The following SLC13A3 variants were observed in gnomAD, a reference collection of about 807,000 sequenced individuals.
SLC13A3 encodes the protein Na(+)/dicarboxylate cotransporter 3.
In SLC13A3, 40 loss-of-function variants were observed where a neutral mutation model predicts 59.0. The ratio of observed to expected loss-of-function variants is 0.68; its 90% CI spans 0.53 to 0.88. The LOEUF is 0.88. Ranked by LOEUF, SLC13A3 falls within the 40% of genes least tolerant of loss-of-function variation. SLC13A3 has a pLI of 0.00. For missense variants in SLC13A3, 699 were observed against 783.2 expected (o/e 0.89, Z 1.28); for synonymous variants, 317 against 330.3 (o/e 0.96, Z 0.44).
chr20:46,612,427 C>T (rs1019308701), intron 2 of SLC13A3, among the ~76,000 whole-genome samples: 3 of 152,094 alleles, frequency 2.0e-5, no homozygotes, highest in Non-Finnish European at 4.4e-5. Context: ...GATTACACTG[C>T]GCCCGGCAAG....
chr20:46,586,694 AC>A (rs969422109), intron 8 of SLC13A3, among the ~76,000 whole-genome samples: 20 of 151,764 alleles, frequency 1.3e-4, no homozygotes, highest in Admixed American at 6.6e-4. Context: ...TTTCATTCAC[AC>A]CCCCCAATCC....
intron 4 of SLC13A3, among the ~76,000 whole-genome samples, chr20:46,599,505 A>C (rs1379167369): frequency 1.3e-5 from 2 of 152,258 alleles, no homozygotes; most frequent in African/African-American, 4.8e-5. Context: ...CTACACTGCC[A>C]TAATGCAAAG....
intron 1 of SLC13A3, among the ~76,000 whole-genome samples, chr20:46,660,314 T>C: frequency 6.6e-6 from 1 of 152,214 alleles, no homozygotes; most frequent in East Asian, 1.9e-4. Context: ...TCTGAAAGTA[T>C]CTTTATTTTT....
rs1311093995 is a variant in SLC13A3 at position 46,596,342 on chromosome 20, G to A, written c.609C>T (p.Ala203=). 1.2e-6 allele frequency: 2 copies of A among 1,613,512 alleles called. No individual in the cohort carries two copies. Among genetic ancestry groups the A allele is most frequent in the Admixed American group, 3.3e-5 (2 of 59,978 alleles). The part of the protein sequence containing the change: ...TEMQFLASTE[A]KDHPGETEVP... The stretch of plus-strand genomic sequence containing the variant: ...CCTCTGTCTCCCCAGGGTGGTCTTT[G>A]CTTTAAACAAATCCAAAGAGAAGCC... Residue 203 remains alanine (A), a splice_region_variant and synonymous_variant, in exon 5 of 13, where the codon GCC becomes GCT. Transcript: ENST00000279027.
intron 1 of SLC13A3, among the ~76,000 whole-genome samples, chr20:46,624,577 A>T (rs1708806488): frequency 6.6e-6 from 1 of 152,222 alleles, no homozygotes; most frequent in Admixed American, 6.5e-5. Context: ...TAGACAAGCT[A>T]TTCCCAAATA....
At chr20:46,638,238 G>C (rs957061361) in intron 1 of SLC13A3, among the ~76,000 whole-genome samples, 2 of 152,208 alleles carry the variant, frequency 1.3e-5, no homozygotes, top group Non-Finnish European at 2.9e-5. Context: ...AAGTTTTGCT[G>C]ACTGGTTCCA....
rs575099134 is a variant in SLC13A3, at chr20:46,562,719, A to G, written c.1632+695T>C. On this transcript the variant is annotated intron_variant, in intron 12 of 12. Coordinates refer to ENST00000279027, the MANE Select transcript of SLC13A3 (RefSeq NM_022829.6). ...CAGTAAATAGTGCTGTAATGAACGA[A>G]CAAATCAATGAGTCTCTGTCTCGTC... is the stretch of plus-strand genomic sequence containing the variant. Among the ~76,000 whole-genome samples, 28 of 152,220 alleles carry G rather than the reference A, an allele frequency of 1.8e-4. No individual in the cohort carries two copies. The South Asian group carries it at 3.3e-3, about 18-fold the overall frequency.
chr20:46,596,054 C>T, intron 5 of SLC13A3, 103 bp downstream of exon 5: 1 of 1,091,148 alleles, frequency 9.2e-7, no homozygotes, highest in Non-Finnish European at 1.3e-6. Flanking sequence ...CAGAGCCTGG[C>T]CCAGAGAAGG....
chr20:46,611,070 C>T (rs2062489485), intron 2 of SLC13A3, among the ~76,000 whole-genome samples: 1 of 152,022 alleles, frequency 6.6e-6, no homozygotes, highest in Admixed American at 6.6e-5. Context: ...TCCATTCCCA[C>T]CAACAGAATC....
At chr20:46,674,604 CGTGTGT>C (rs58582046), upstream of SLC13A3, among the ~76,000 whole-genome samples, 219 of 127,930 alleles carry the variant, frequency 1.7e-3, 1 homozygote, top group African/African-American at 5.3e-3. Flanking sequence ...CGCGCGCGCG[CGTGTGT>C]GTGTGTGTGT....
At chr20:46,651,530 G>T (rs757534742), upstream of SLC13A3, 47 of 1,326,836 alleles carry the variant, frequency 3.5e-5, no homozygotes, top group Non-Finnish European at 4.3e-5. Context: ...TGGGGAACCC[G>T]CCCTCTCCCT....
intron 3 of SLC13A3, among the ~76,000 whole-genome samples, chr20:46,600,860 A>G (rs1015882028): frequency 3.3e-5 from 5 of 152,226 alleles, no homozygotes; most frequent in African/African-American, 1.2e-4. Context: ...AGGAAATAGA[A>G]CTGGGTAATG....
In SLC13A3 at chr20:46,603,549, A is replaced by ATT. The variant is rs111841623; in HGVS notation, c.542-3514_542-3513dup. On this transcript the variant is annotated intron_variant, in intron 3 of 12. Coordinates refer to ENST00000279027, the MANE Select transcript of SLC13A3 (RefSeq NM_022829.6). ...GCCACCATGCCCAGCTAATTGTTGT[A>ATT]TTTTTTTTTTTTTTTTTGGTAAAAA... Among the ~76,000 whole-genome samples the ATT allele has an allele frequency of 5.2e-3, 658 of 126,366 alleles. 2 individuals are homozygous for ATT. The highest frequency in any genetic ancestry group is 0.018 in the African/African-American group (624 of 35,372). The allele number at this position is 126,366 out of a possible 152,430, so 82.9% of individuals were successfully genotyped here.
intron 1 of SLC13A3, among the ~76,000 whole-genome samples, chr20:46,647,458 C>G (rs1322461638): frequency 1.3e-5 from 2 of 152,134 alleles, no homozygotes; most frequent in African/African-American, 4.8e-5. Context: ...AGATCACTCC[C>G]CAAACCTCTA....
At chr20:46,649,208 A>T (rs959435362) in intron 1 of SLC13A3, among the ~76,000 whole-genome samples, 1 of 152,174 alleles carries the variant, frequency 6.6e-6, no homozygotes, top group Admixed American at 6.5e-5. Flanking sequence ...TAGCACCATC[A>T]TAAGGGATTA....
upstream of SLC13A3, among the ~76,000 whole-genome samples, chr20:46,671,857 C>A (rs2063094355): frequency 6.6e-6 from 1 of 152,206 alleles, no homozygotes; most frequent in Non-Finnish European, 1.5e-5. Flanking sequence ...AAAACTGAGG[C>A]AGTCCCCAAA....
intron 2 of SLC13A3, among the ~76,000 whole-genome samples, chr20:46,612,376 C>T (rs2062508121): frequency 6.6e-6 from 1 of 152,044 alleles, no homozygotes; most frequent in Admixed American, 6.5e-5. Context: ...TCAAGCAATC[C>T]ACCTGCCTCA....
intron 1 of SLC13A3, among the ~76,000 whole-genome samples, chr20:46,657,163 T>C (rs938656705): frequency 1.3e-5 from 2 of 152,124 alleles, no homozygotes; most frequent in Admixed American, 1.3e-4. Context: ...AAAACTTTTA[T>C]CATGATCCGG....
intron 1 of SLC13A3, among the ~76,000 whole-genome samples, chr20:46,626,844 G>T (rs569752051): frequency 6.6e-6 from 1 of 152,098 alleles, no homozygotes; most frequent in Non-Finnish European, 1.5e-5. Flanking sequence ...CTTTTCCCCC[G>T]TCCAGGTCTT....
Sources: gnomAD v4.1 joint callset for allele counts (sites outside exome capture counted in the v4.1 genomes callset) on GRCh38, gnomAD v4.1.1 for gene constraint, MANE v1.5 for transcripts, NCBI Gene and HGNC (gene_info 2026-07-23, HGNC 2026-07-21) for gene names.